Variants in TAF2 observed in about 807,000 individuals in gnomAD.
TAF2 encodes TATA-box binding protein associated factor 2.
Under a neutral mutation model 138.5 loss-of-function variants are expected in TAF2, and 61 were observed. The ratio of observed to expected loss-of-function variants is 0.44; its 90% confidence interval spans 0.36 to 0.54. The LOEUF (loss-of-function observed/expected upper bound fraction) is 0.54, where lower values mean the gene tolerates loss of function less well. Ranked by LOEUF, TAF2 falls within the 20% of genes least tolerant of loss-of-function variation. The pLI is 0.00. For synonymous variants in TAF2, 475 were observed against 469.9 expected, an observed-to-expected ratio of 1.01 and a Z score of -0.14; for missense variants, 1,090 against 1,427.9, an observed-to-expected ratio of 0.76 and a Z score of 3.81.
Position 119,744,377 on chromosome 8 carries a change from T to A in TAF2, c.3125A>T (p.Asp1042Val), listed in dbSNP as rs1819805886. The A allele has an allele frequency of 1.2e-6, 2 of 1,613,422 alleles. No individual in the cohort carries two copies. Among genetic ancestry groups the A allele is most frequent in the East Asian group, 2.2e-5 (1 of 44,804 alleles). Reference sequence around the variant, plus strand: ...AGTATCCATATCAATCTCCTCCTCATCTTGAGAACTGGAAAACTAAAACAC... The same window carrying A: ...AGTATCCATATCAATCTCCTCCTCAACTTGAGAACTGGAAAACTAAAACAC... ...GFQNPFSSSQ[D>V]EEEIDMDTVH... Residue 1042 changes from aspartate to valine, a missense_variant, in exon 24 of 26, where the codon GAT (aspartate) becomes GTT (valine). By Grantham distance (152) the Asp-to-Val change is radical. Around this residue, in one of 3 missense-constraint regions of TAF2, gnomAD observed 580 missense variants for 719.6 expected, o/e 0.81. Coordinates refer to ENST00000378164, the MANE Select transcript of TAF2 (RefSeq NM_003184.4).
At chr8:119,786,065 A>G (rs1333213729) in intron 14 of TAF2, among the ~76,000 whole-genome samples, 1 of 152,230 alleles carries the variant, frequency 6.6e-6, no homozygotes, top group Non-Finnish European at 1.5e-5. Context: ...ATCTGAGTGA[A>G]CTAAACACAG....
Position 119,832,816 on chromosome 8 carries a change from C to A in TAF2, c.-252G>T, listed in dbSNP as rs924346214. On this transcript the variant is annotated 5_prime_UTR_variant, in exon 1 of 26. Coordinates refer to ENST00000378164, the MANE Select transcript of TAF2 (RefSeq NM_003184.4). ...CTCCGCAAGGGCTCGAAGCTACCATCCGCCGACATCTTGTCTGTAACCTCT... is the reference window on the plus strand; with the variant it reads ...CTCCGCAAGGGCTCGAAGCTACCATACGCCGACATCTTGTCTGTAACCTCT... The A allele has an allele frequency of 8.8e-6, 4 of 456,782 alleles. No homozygotes were observed. In the Admixed American group the frequency reaches 1.5e-4, roughly 17 times the overall value. The allele number at this position is 456,782 out of a possible 1,614,324, so 28.3% of individuals were successfully genotyped here. A position where few individuals can be genotyped will look rare whatever the true frequency, so the allele number is the denominator to read the frequency against.
chr8:119,818,701 T>C (rs1326019477), intron 3 of TAF2, among the ~76,000 whole-genome samples: 2 of 151,248 alleles, frequency 1.3e-5, no homozygotes, highest in African/African-American at 4.9e-5. Flanking sequence ...TGGAGTATTA[T>C]TTAACCACAA....
intron 2 of TAF2, among the ~76,000 whole-genome samples, chr8:119,829,962 C>T (rs947960489): frequency 6.6e-6 from 1 of 151,008 alleles, no homozygotes; most frequent in Admixed American, 6.6e-5. Flanking sequence ...AGGTTCGGCG[C>T]GATCTCGGCT....
chr8:119,737,870 C>T (rs1819336605), intron 25 of TAF2, among the ~76,000 whole-genome samples: 1 of 123,304 alleles, frequency 8.1e-6, no homozygotes, highest in Non-Finnish European at 1.7e-5. Context: ...TGTTACATGC[C>T]TATATTCCTT....
chr8:119,804,690 T>C (rs1468993460), intron 4 of TAF2, among the ~76,000 whole-genome samples: 1 of 152,166 alleles, frequency 6.6e-6, no homozygotes. Context: ...AAACCTCTTT[T>C]TCTTCCTAGT....
intron 12 of TAF2, among the ~76,000 whole-genome samples, chr8:119,789,279 G>A (rs576284470): frequency 6.6e-5 from 10 of 152,134 alleles, no homozygotes; most frequent in Non-Finnish European, 8.8e-5. Flanking sequence ...AATCCTACAG[G>A]TCTGTCTGGT....
intron 6 of TAF2, among the ~76,000 whole-genome samples, chr8:119,798,107 C>G (rs543503516): frequency 1.9e-3 from 296 of 152,066 alleles, no homozygotes; most frequent in African/African-American, 6.6e-3. Flanking sequence ...ACTCTAGTTC[C>G]AAATTCAATT....
rs1303467909 is a variant in TAF2, at chr8:119,789,842, A to T, written c.1414-96T>A. Reference sequence around the variant, plus strand: ...CATTATAACTTTATTGTAGTCAATTATAGAAGACAATAATTTCACTATTTA... The same window carrying T: ...CATTATAACTTTATTGTAGTCAATTTTAGAAGACAATAATTTCACTATTTA... On this transcript the variant is annotated intron_variant, in intron 11 of 25. Transcript: ENST00000378164. 3 of 1,185,960 alleles carry T rather than the reference A, an allele frequency of 2.5e-6. No homozygotes were observed. In the East Asian group the frequency reaches 7.7e-5, roughly 31 times the overall value. 73.5% of individuals were successfully genotyped at this position (1,185,960 alleles called of 1,614,324 possible).
intron 1 of TAF2, among the ~76,000 whole-genome samples, chr8:119,832,130 G>T (rs930560777): frequency 6.6e-6 from 1 of 151,856 alleles, no homozygotes; most frequent in African/African-American, 2.4e-5. Context: ...TTGCACTCCA[G>T]CCTGGGCGAC....
Position 119,760,610 on chromosome 8 carries a change from T to A in TAF2, c.2687A>T (p.Asp896Val). 6.2e-7 allele frequency: 1 copy of A among 1,613,376 alleles called. No homozygotes were observed. Among genetic ancestry groups the A allele is most frequent in the Middle Eastern group, 1.7e-4 (1 of 6,060 alleles). Residue 896 changes from aspartate (D) to valine (V), a missense_variant, in exon 20 of 26, where the codon GAT (aspartate) becomes GTT (valine). By Grantham distance (152) the Asp-to-Val change is radical (BLOSUM62 -3). Transcript: ENST00000378164. The part of the protein sequence containing the change: ...IRIAALEAVV[D>V]YTKVDRSYEE... ...TTCTAAAGTATTACCTTTAGTATAA[T>A]CAACAACTGCTTCCAAAGCTGCTAT...
rs762682458 is a variant in TAF2, at chr8:119,742,670, C to G, written c.3215-14G>C. 1 of 1,611,308 alleles carries G rather than the reference C, an allele frequency of 6.2e-7. No individual in the cohort carries two copies. The highest frequency in any genetic ancestry group is 8.5e-7 in the Non-Finnish European group (1 of 1,179,074). On this transcript the variant is annotated splice_polypyrimidine_tract_variant and intron_variant, in intron 24 of 25. Coordinates refer to ENST00000378164, the MANE Select transcript of TAF2 (RefSeq NM_003184.4). ...ATTTCGAGAGCCCTAAAATGCCAAA[C>G]AAGAGAAAAAAGAGGGATTTATTTC...
chr8:119,806,040 G>A (rs1166601611), intron 4 of TAF2, among the ~76,000 whole-genome samples: 2 of 151,802 alleles, frequency 1.3e-5, no homozygotes, highest in Non-Finnish European at 2.9e-5. Flanking sequence ...GAGTAGCTGG[G>A]ATTACATGCG....
At chr8:119,769,893 G>A (rs977855555) in intron 18 of TAF2, among the ~76,000 whole-genome samples, 3 of 151,842 alleles carry the variant, frequency 2.0e-5, no homozygotes, top group Non-Finnish European at 4.4e-5. Context: ...AAGTAGCTGG[G>A]ACTACAGGCA....
At chr8:119,802,639 G>A (rs531488219) in intron 5 of TAF2, among the ~76,000 whole-genome samples, 1 of 152,254 alleles carries the variant, frequency 6.6e-6, no homozygotes, top group African/African-American at 2.4e-5. Flanking sequence ...CAGGCTGGGC[G>A]CAGTGGCTGA....
At chr8:119,745,795 ATG>A (rs58444614) in intron 23 of TAF2, among the ~76,000 whole-genome samples, 24,704 of 143,158 alleles carry the variant, frequency 0.17, 2,006 homozygotes, top group East Asian at 0.2. Context: ...AGGCAAACGA[ATG>A]TGTGTGTGTG....
At chr8:119,816,659 C>A (rs1175467444) in intron 3 of TAF2, among the ~76,000 whole-genome samples, 2 of 152,148 alleles carry the variant, frequency 1.3e-5, no homozygotes, top group East Asian at 3.9e-4. Context: ...TCCCAAAGTT[C>A]TCTTTAAAAA....
chr8:119,753,447 T>C (rs1184995888), intron 22 of TAF2, among the ~76,000 whole-genome samples: 1 of 152,208 alleles, frequency 6.6e-6, no homozygotes, highest in Non-Finnish European at 1.5e-5. Flanking sequence ...CAATGTTCTA[T>C]AAAAACATTT....
At chr8:119,768,057 C>G (rs1043272585) in intron 18 of TAF2, among the ~76,000 whole-genome samples, 3 of 152,208 alleles carry the variant, frequency 2.0e-5, no homozygotes, top group African/African-American at 7.2e-5. Context: ...CAGCTGCCAG[C>G]CTCCCTTGCT....
Sources: allele counts gnomAD v4.1 joint callset (sites outside exome capture counted in the v4.1 genomes callset), GRCh38; gene constraint gnomAD v4.1.1; regional missense constraint gnomAD v4.1.1; transcripts MANE v1.5; gene names NCBI Gene and HGNC (gene_info 2026-07-23, HGNC 2026-07-21).